Variants in ARRB1 observed in about 807,000 individuals in gnomAD.
ARRB1 encodes arrestin beta 1, also known as beta-arrestin-1.
A neutral mutation model predicts 56.8 loss-of-function variants in ARRB1; 21 were observed. That is an observed-to-expected ratio of 0.37 (90% CI 0.26 to 0.53). ARRB1 has a LOEUF of 0.53. Ranked by LOEUF, ARRB1 falls within the 20% of genes least tolerant of loss-of-function variation. ARRB1 has a pLI of 0.88. For missense variants in ARRB1, 424 were observed against 553.7 expected, an observed-to-expected ratio of 0.77 and a Z score of 2.35; for synonymous variants, 210 against 218.6, an observed-to-expected ratio of 0.96 and a Z score of 0.35.
intron 1 of ARRB1, among the ~76,000 whole-genome samples, chr11:75,302,693 T>C (rs929517265): frequency 4.6e-5 from 7 of 152,154 alleles, no homozygotes; most frequent in African/African-American, 1.7e-4. Flanking sequence ...GGGGATAATA[T>C]CCACCCCATA....
chr11:75,307,487 C>T (rs771355344), intron 1 of ARRB1, among the ~76,000 whole-genome samples: 2 of 152,172 alleles, frequency 1.3e-5, no homozygotes, highest in Non-Finnish European at 2.9e-5. Flanking sequence ...ACTGTGTCCC[C>T]TCTGTTACAC....
Position 75,334,972 on chromosome 11 carries a change from C to T in ARRB1, c.20+16616G>A, listed in dbSNP as rs76819496. 1.3e-3 allele frequency: 211 copies of T among 166,298 alleles called. 4 individuals are homozygous for T. The East Asian group carries it at 0.039, about 31-fold the overall frequency. The allele number at this position is 166,298 out of a possible 1,614,324, so 10.3% of individuals were successfully genotyped here. On this transcript the variant is annotated intron_variant, in intron 1 of 15. Transcript: ENST00000420843. Reference sequence around the variant, plus strand: ...TGTTTGTTTTAAAAAAAAAAGAGTACAAAAATAATTTCCTTTTGCAAATTT... The same window carrying T: ...TGTTTGTTTTAAAAAAAAAAGAGTATAAAAATAATTTCCTTTTGCAAATTT...
chr11:75,283,374 C>T lies in ARRB1; in HGVS notation c.267G>A (p.Pro89=), dbSNP rs770971349. ...TCAGGGGCTTCTTGTCCTCGGGGGC[C>T]GGTGGGAACGACTGTACGTTGGCCA... ...LFVANVQSFP[P]APEDKKPLTR... is the part of the protein sequence containing the mutation. The change falls in exon 5 of 16, where the codon CCG becomes CCA. Residue 89 remains proline (P), a synonymous_variant. Transcript: ENST00000420843. 45 of 1,614,038 alleles carry T rather than the reference C, an allele frequency of 2.8e-5. No individual in the cohort carries two copies. The highest frequency in any genetic ancestry group is 2.2e-5 in the South Asian group (2 of 91,090).
At chr11:75,320,632 G>A (rs530351168) in intron 1 of ARRB1, among the ~76,000 whole-genome samples, 2 of 152,292 alleles carry the variant, frequency 1.3e-5, no homozygotes, top group East Asian at 1.9e-4. Context: ...TGGTAACTCC[G>A]ATTCCTCCTT....
intron 1 of ARRB1, among the ~76,000 whole-genome samples, chr11:75,302,982 C>A (rs538113466): frequency 7.2e-6 from 1 of 139,490 alleles, no homozygotes; most frequent in South Asian, 2.2e-4. Context: ...GATGTTTTTC[C>A]CCCAGATTAT....
chr11:75,346,869 G>C (rs1947776045), intron 1 of ARRB1, among the ~76,000 whole-genome samples: 1 of 152,150 alleles, frequency 6.6e-6, no homozygotes, highest in Non-Finnish European at 1.5e-5. Flanking sequence ...CCAGGATCCA[G>C]ACCCTTCTAT....
intron 1 of ARRB1, among the ~76,000 whole-genome samples, chr11:75,346,578 C>T (rs1947770600): frequency 6.6e-6 from 1 of 152,154 alleles, no homozygotes; most frequent in Admixed American, 6.5e-5. Context: ...CTAGTTTTGC[C>T]CTCACCACTC....
At chr11:75,267,599 C>G in intron 15 of ARRB1, 53 bp downstream of exon 15, 1 of 1,410,216 alleles carries the variant, frequency 7.1e-7, no homozygotes, top group Non-Finnish European at 1.0e-6. Flanking sequence ...ACCCCCTCCA[C>G]CCCGCCCACC....
chr11:75,273,872 T>C (rs1337660258), intron 11 of ARRB1, among the ~76,000 whole-genome samples: 1 of 152,150 alleles, frequency 6.6e-6, no homozygotes, highest in Non-Finnish European at 1.5e-5. Flanking sequence ...TAGTGGTCCA[T>C]CTTATTCTCT....
Position 75,265,439 on chromosome 11 carries a change from C to G in ARRB1, c.*724G>C, listed in dbSNP as rs1945887356. 6.6e-6 allele frequency: 1 copy of G among 152,052 alleles called. No individual in the cohort carries two copies. The highest frequency in any genetic ancestry group is 2.4e-5 in the African/African-American group (1 of 41,398). 9.4% of individuals were successfully genotyped at this position (152,052 alleles called of 1,614,324 possible). The stretch of plus-strand genomic sequence containing the variant: ...GCCATGCACTTGAAATACAAGGTAG[C>G]TAAGATGTCACAGCCTGACAGTACT... On this transcript the variant is annotated 3_prime_UTR_variant, in exon 16 of 16. Transcript: ENST00000420843.
chr11:75,295,660 A>T (rs1280918885), intron 1 of ARRB1, among the ~76,000 whole-genome samples: 1 of 152,184 alleles, frequency 6.6e-6, no homozygotes, highest in Non-Finnish European at 1.5e-5. Flanking sequence ...ACAGGTTCCA[A>T]GGATTATGAT....
intron 14 of ARRB1, among the ~76,000 whole-genome samples, chr11:75,268,056 A>G (rs1945973862): frequency 6.6e-6 from 1 of 152,148 alleles, no homozygotes. Context: ...TTTCCTTCAC[A>G]TTTTAACATC....
chr11:75,261,355 G>A lies in ARRB1; in HGVS notation c.*4808C>T, dbSNP rs1001865002. 4 of 151,988 alleles carry A rather than the reference G, an allele frequency of 2.6e-5. No homozygotes were observed. Among genetic ancestry groups the A allele is most frequent in the Non-Finnish European group, 5.9e-5 (4 of 68,028 alleles). 9.4% of individuals were successfully genotyped at this position (151,988 alleles called of 1,614,324 possible). On this transcript the variant is annotated 3_prime_UTR_variant, in exon 16 of 16. Transcript: ENST00000420843. Reference sequence around the variant, plus strand: ...CTGGTCTAAGATCAAACCTCGAGATGGTGGTTTGAAGTTCTTCTTCAAAGA... The same window carrying A: ...CTGGTCTAAGATCAAACCTCGAGATAGTGGTTTGAAGTTCTTCTTCAAAGA...
intron 1 of ARRB1, among the ~76,000 whole-genome samples, chr11:75,340,577 T>C (rs989963989): frequency 1.3e-5 from 2 of 152,188 alleles, no homozygotes; most frequent in South Asian, 4.1e-4. Context: ...GTCTTTCTTC[T>C]CTTTTGCTGC....
At chr11:75,283,937 C>T (rs895840658) in intron 4 of ARRB1, among the ~76,000 whole-genome samples, 1 of 152,096 alleles carries the variant, frequency 6.6e-6, no homozygotes, top group African/African-American at 2.4e-5. Flanking sequence ...ATTGATACTG[C>T]CCCGGTATCA....
At chr11:75,339,134 C>G (rs1947658376) in intron 1 of ARRB1, among the ~76,000 whole-genome samples, 1 of 152,244 alleles carries the variant, frequency 6.6e-6, no homozygotes, top group Admixed American at 6.5e-5. Flanking sequence ...AGCCCCAAAG[C>G]CTGGAGCTGT....
intron 6 of ARRB1, 150 bp downstream of exon 6, chr11:75,281,812 G>T: frequency 1.3e-6 from 1 of 747,612 alleles, no homozygotes; most frequent in Non-Finnish European, 2.2e-6. Context: ...GAGACTGGTT[G>T]TCCAAGGTGG....
At chr11:75,294,825 T>C (rs1946694019) in intron 1 of ARRB1, among the ~76,000 whole-genome samples, 1 of 152,138 alleles carries the variant, frequency 6.6e-6, no homozygotes, top group Admixed American at 6.6e-5. Context: ...AAGTGCCAGA[T>C]GTCAGTGCCA....
chr11:75,262,312 G>A lies in ARRB1; in HGVS notation c.*3851C>T, dbSNP rs1945810760. 6.6e-6 allele frequency: 1 copy of A among 152,252 alleles called. No homozygotes were observed. The highest frequency in any genetic ancestry group is 6.5e-5 in the Admixed American group (1 of 15,282). The allele number at this position is 152,252 out of a possible 1,614,324, so 9.4% of individuals were successfully genotyped here. A position where few individuals can be genotyped will look rare whatever the true frequency, so the allele number is the denominator to read the frequency against. On this transcript the variant is annotated 3_prime_UTR_variant, in exon 16 of 16. Transcript: ENST00000420843. ...TGACACCAGGCCTAGGAGGGTCCAA[G>A]ATGTCCCCCTCCACCAATCACTGAC...
Sources: gnomAD v4.1 joint callset for allele counts (sites outside exome capture counted in the v4.1 genomes callset) on GRCh38, gnomAD v4.1.1 for gene constraint, MANE v1.5 for transcripts, NCBI Gene and HGNC (gene_info 2026-07-23, HGNC 2026-07-21) for gene names.